CDH18: variants seen among roughly 807,000 people sequenced by gnomAD.
CDH18 encodes the protein cadherin 18.
In CDH18, 31 loss-of-function variants were observed where a neutral mutation model predicts 67.9. That is an observed-to-expected ratio of 0.46 (90% CI 0.34 to 0.62). The LOEUF is 0.62. Ranked by LOEUF, CDH18 falls within the 20% of genes least tolerant of loss-of-function variation. The pLI, the probability that CDH18 is intolerant of heterozygous loss-of-function variation, is 0.01. For synonymous variants in CDH18, 362 were observed against 347.2 expected, an observed-to-expected ratio of 1.04 and a Z score of -0.48; for missense variants, 890 against 975.5, an observed-to-expected ratio of 0.91 and a Z score of 1.17.
At chr5:19,571,021 TCA>T (rs1488618797) in intron 8 of CDH18, among the ~76,000 whole-genome samples, 2 of 152,214 alleles carry the variant, frequency 1.3e-5, no homozygotes, top group Non-Finnish European at 2.9e-5. Flanking sequence ...ATACTGTCTT[TCA>T]CAAGTTAGCA....
chr5:20,400,598 C>CAAAAA (rs368604780), intron 1 of CDH18, among the ~76,000 whole-genome samples: 6 of 146,040 alleles, frequency 4.1e-5, no homozygotes, highest in African/African-American at 1.5e-4. Flanking sequence ...ACTAAAAATA[C>CAAAAA]AAAAAAAAAA....
At chr5:19,826,762 C>T (rs763010694) in intron 3 of CDH18, among the ~76,000 whole-genome samples, 1 of 152,072 alleles carries the variant, frequency 6.6e-6, no homozygotes, top group Non-Finnish European at 1.5e-5. Flanking sequence ...AATACCATTA[C>T]CAGCCAGAAC....
intron 1 of CDH18, chr5:20,304,316 C>T: frequency 6.3e-7 from 1 of 1,593,084 alleles, no homozygotes; most frequent in Non-Finnish European, 8.6e-7. Context: ...ATGCAGAGTA[C>T]CTATGACTTT....
At chr5:20,283,229 G>T (rs1000337250) in intron 1 of CDH18, among the ~76,000 whole-genome samples, 1 of 151,916 alleles carries the variant, frequency 6.6e-6, no homozygotes, top group African/African-American at 2.4e-5. Context: ...CACAAGCCTA[G>T]GCAACCAAAG....
intron 2 of CDH18, among the ~76,000 whole-genome samples, chr5:19,954,562 T>A (rs1390440067): frequency 2.6e-5 from 4 of 151,992 alleles, no homozygotes; most frequent in Non-Finnish European, 5.9e-5. Context: ...TCTTTAATCA[T>A]AAACATGTTG....
chr5:19,506,966 C>T (rs1744286756), intron 10 of CDH18, among the ~76,000 whole-genome samples: 1 of 152,144 alleles, frequency 6.6e-6, no homozygotes, highest in Non-Finnish European at 1.5e-5. Context: ...AGTGAACAGG[C>T]AACCTACAGA....
intron 1 of CDH18, among the ~76,000 whole-genome samples, chr5:20,330,074 AAT>A (rs1739021194): frequency 6.6e-6 from 1 of 152,128 alleles, no homozygotes; most frequent in Non-Finnish European, 1.5e-5. Flanking sequence ...TAAAGTAAAA[AAT>A]ATATGTTTTA....
At chr5:20,486,999 A>T (rs1279990080) in intron 1 of CDH18, among the ~76,000 whole-genome samples, 3 of 152,176 alleles carry the variant, frequency 2.0e-5, no homozygotes, top group Admixed American at 2.0e-4. Flanking sequence ...GTTACAGCTG[A>T]CAGGAGCATC....
rs114754866 is a variant in CDH18 at position 19,698,319 on chromosome 5, G to T, written c.643+23028C>A. Among the ~76,000 whole-genome samples the T allele has an allele frequency of 7.5e-3, 1,136 of 152,018 alleles. 15 individuals are homozygous for T. The highest frequency in any genetic ancestry group is 0.026 in the African/African-American group (1,076 of 41,508). ...ATGAGCTTGCACATTGAGATCAAAGGCTTGCTATTGTTTTGTGTATGGACC... is the reference window on the plus strand; with the variant it reads ...ATGAGCTTGCACATTGAGATCAAAGTCTTGCTATTGTTTTGTGTATGGACC... On this transcript the variant is annotated intron_variant, in intron 5 of 12. Transcript: ENST00000382275.
intron 5 of CDH18, among the ~76,000 whole-genome samples, chr5:19,620,670 T>C (rs558491334): frequency 6.6e-6 from 1 of 152,322 alleles, no homozygotes; most frequent in South Asian, 2.1e-4. Context: ...AATACATCAC[T>C]AAAGATGTTT....
chr5:19,847,056 C>T (rs555965454), intron 2 of CDH18, among the ~76,000 whole-genome samples: 2 of 151,904 alleles, frequency 1.3e-5, no homozygotes, highest in African/African-American at 4.8e-5. Flanking sequence ...TGTTTCTTTC[C>T]AAATTCTCTT....
At chr5:20,245,048 T>C (rs1244431458) in intron 2 of CDH18, among the ~76,000 whole-genome samples, 1 of 152,140 alleles carries the variant, frequency 6.6e-6, no homozygotes, top group Non-Finnish European at 1.5e-5. Flanking sequence ...AAGAGTTGCA[T>C]TAAATCAGAA....
At chr5:19,618,781 T>C (rs1431286022) in intron 5 of CDH18, among the ~76,000 whole-genome samples, 1 of 152,140 alleles carries the variant, frequency 6.6e-6, no homozygotes, top group East Asian at 1.9e-4. Flanking sequence ...ATCTATCTAT[T>C]TACCCACATA....
intron 2 of CDH18, among the ~76,000 whole-genome samples, chr5:20,049,356 G>A (rs79978102): frequency 0.011 from 1,736 of 151,794 alleles, 38 homozygotes; most frequent in African/African-American, 0.04. Context: ...CTACCAGAAG[G>A]TGGAGAGTGG....
At chr5:20,069,516 G>A (rs972135800) in intron 2 of CDH18, among the ~76,000 whole-genome samples, 4 of 151,938 alleles carry the variant, frequency 2.6e-5, no homozygotes, top group South Asian at 2.1e-4. Context: ...GGGTTCAAGC[G>A]AGTCTCCTGC....
intron 1 of CDH18, among the ~76,000 whole-genome samples, chr5:19,985,369 G>A (rs1043620356): frequency 6.6e-6 from 1 of 152,048 alleles, no homozygotes; most frequent in Non-Finnish European, 1.5e-5. Context: ...TAGAGCAGTG[G>A]TTCCCACTGA....
chr5:19,984,447 CA>C lies in CDH18; in HGVS notation c.-375-3270del, dbSNP rs563325977. On this transcript the variant is annotated intron_variant, in intron 1 of 12. Transcript: ENST00000382275. ...ATTCATAATCTTAAATTACATATTT[CA>C]AATTTTAGATTTGAAAATATTAGAA... Among the ~76,000 whole-genome samples the C allele has an allele frequency of 3.9e-5, 6 of 151,976 alleles. No individual in the cohort carries two copies. In the South Asian group the frequency reaches 8.3e-4, roughly 21 times the overall value.
At chr5:20,520,491 T>C (rs1447899559) in intron 1 of CDH18, among the ~76,000 whole-genome samples, 1 of 152,144 alleles carries the variant, frequency 6.6e-6, no homozygotes, top group African/African-American at 2.4e-5. Flanking sequence ...GGAATCAGAC[T>C]GGCCACTCTT....
intron 2 of CDH18, among the ~76,000 whole-genome samples, chr5:20,213,229 G>A (rs1740493111): frequency 6.6e-6 from 1 of 152,154 alleles, no homozygotes; most frequent in African/African-American, 2.4e-5. Flanking sequence ...GAAGAGATGG[G>A]AAAATTGTAG....
Sources: allele counts gnomAD v4.1 joint callset (sites outside exome capture counted in the v4.1 genomes callset), GRCh38; gene constraint gnomAD v4.1.1; transcripts MANE v1.5; gene names NCBI Gene and HGNC (gene_info 2026-07-23, HGNC 2026-07-21).